ADAMTSL1: variants seen among roughly 807,000 people sequenced by gnomAD.
The protein encoded by ADAMTSL1 is ADAMTS like 1.
In ADAMTSL1, 126 loss-of-function variants were observed where a neutral mutation model predicts 201.8. The observed-to-expected ratio is 0.62, with a 90% CI of 0.54 to 0.72. The LOEUF (loss-of-function observed/expected upper bound fraction) is 0.72, where lower values mean the gene tolerates loss of function less well. Ranked by LOEUF, ADAMTSL1 falls within the 30% of genes least tolerant of loss-of-function variation. The probability of loss-of-function intolerance (pLI) is 0.00; values close to 1 mark genes in which losing one functional copy is unlikely to be tolerated. For synonymous variants in ADAMTSL1, 1,121 were observed against 903.4 expected (o/e 1.24, Z -4.32); for missense variants, 2,679 against 2,277.8 (o/e 1.18, Z -3.59).
chr9:18,455,522 CTT>C (rs778005899), intron 2 of ADAMTSL1, among the ~76,000 whole-genome samples: 25 of 146,814 alleles, frequency 1.7e-4, no homozygotes, highest in Non-Finnish European at 3.5e-4. Context: ...AACTCCTAAT[CTT>C]TTTTTTTTTA....
chr9:17,942,119 A>G (rs1827261892), intron 1 of ADAMTSL1, among the ~76,000 whole-genome samples: 1 of 152,134 alleles, frequency 6.6e-6, no homozygotes, highest in Non-Finnish European at 1.5e-5. Context: ...TTCGTTAGAG[A>G]CAGAAAGTAG....
Position 18,684,804 on chromosome 9 carries a change from A to T in ADAMTSL1, c.1574+4A>T, listed in dbSNP as rs1424770701. 6.2e-7 allele frequency: 1 copy of T among 1,608,156 alleles called. No homozygotes were observed. The highest frequency in any genetic ancestry group is 8.5e-7 in the Non-Finnish European group (1 of 1,177,566). ...CTGCTGTGTCAGAGGAGCCCTCGTA[A>T]GTTGTAAAAGCACAGACTGTTCTAT... On this transcript the variant is annotated splice_donor_region_variant and intron_variant, in intron 13 of 28. Coordinates refer to ENST00000380548, the MANE Select transcript of ADAMTSL1 (RefSeq NM_001040272.6).
At chr9:18,303,355 C>A (rs1324684408) in intron 2 of ADAMTSL1, among the ~76,000 whole-genome samples, 1 of 152,206 alleles carries the variant, frequency 6.6e-6, no homozygotes, top group African/African-American at 2.4e-5. Flanking sequence ...GTCAGGTCTT[C>A]CAGCCTCAGC....
chr9:18,902,081 T>C (rs2131607450), intron 26 of ADAMTSL1, among the ~76,000 whole-genome samples: 1 of 152,262 alleles, frequency 6.6e-6, no homozygotes, highest in African/African-American at 2.4e-5. Flanking sequence ...ATTATAAACA[T>C]GCATGCACCA....
At chr9:18,577,375 A>G (rs190943838) in intron 4 of ADAMTSL1, among the ~76,000 whole-genome samples, 3 of 152,260 alleles carry the variant, frequency 2.0e-5, no homozygotes, top group East Asian at 1.9e-4. Context: ...ATTCGCAGCT[A>G]TTTGGGAGGC....
chr9:18,135,612 T>C (rs1826125383), intron 1 of ADAMTSL1, among the ~76,000 whole-genome samples: 1 of 152,106 alleles, frequency 6.6e-6, no homozygotes, highest in South Asian at 2.1e-4. Context: ...CTAGGCAATG[T>C]AGCAAACCCT....
rs957641008 is a variant in ADAMTSL1, at chr9:18,359,925, C to G, written c.208-144904C>G. ...ACTTTGAAAAAGTTATTTAACCACT[C>G]TGAGCCTCATCAGTGTCCTCAGCTC... On this transcript the variant is annotated intron_variant, in intron 2 of 29. Coordinates refer to the ADAMTSL1 transcript ENST00000680146. 3.4e-5 allele frequency among the ~76,000 whole-genome samples: 5 copies of G among 148,658 alleles called. No individual in the cohort carries two copies. In the South Asian group the frequency reaches 6.4e-4, roughly 19 times the overall value.
At chr9:17,922,261 T>C (rs1826335189) in intron 1 of ADAMTSL1, among the ~76,000 whole-genome samples, 1 of 152,136 alleles carries the variant, frequency 6.6e-6, no homozygotes, top group African/African-American at 2.4e-5. Flanking sequence ...GTGCTACATA[T>C]TTCTTTTCAG....
chr9:18,549,980 G>A (rs920305022), intron 3 of ADAMTSL1, among the ~76,000 whole-genome samples: 2 of 151,992 alleles, frequency 1.3e-5, no homozygotes, highest in Non-Finnish European at 2.9e-5. Context: ...GAGAAGCTCT[G>A]TTCTATCAGA....
At chr9:18,530,430 T>C (rs1283090089) in intron 2 of ADAMTSL1, among the ~76,000 whole-genome samples, 1 of 152,168 alleles carries the variant, frequency 6.6e-6, no homozygotes. Context: ...AATCTCACCA[T>C]TGAATCTCCT....
Position 18,249,135 on chromosome 9 carries a change from C to T in ADAMTSL1, c.207+85154C>T, listed in dbSNP as rs996005842. Among the ~76,000 whole-genome samples, 5 of 151,990 alleles carry T rather than the reference C, an allele frequency of 3.3e-5. No individual in the cohort carries two copies. In the East Asian group the frequency reaches 5.8e-4, roughly 18 times the overall value. ...CTTGGCCACCCCTCACTTTCAGACA[C>T]GAAACAAGGAAGCCATGTAAGCAGT... On this transcript the variant is annotated intron_variant, in intron 2 of 29. Transcript: ENST00000680146.
At chr9:18,397,285 G>A (rs538481786) in intron 2 of ADAMTSL1, among the ~76,000 whole-genome samples, 96 of 152,194 alleles carry the variant, frequency 6.3e-4, no homozygotes, top group Non-Finnish European at 1.0e-3. Flanking sequence ...CATCCCAGAA[G>A]GAAATCCTGC....
intron 2 of ADAMTSL1, among the ~76,000 whole-genome samples, chr9:18,464,686 C>T (rs1820933623): frequency 6.6e-6 from 1 of 152,212 alleles, no homozygotes; most frequent in Non-Finnish European, 1.5e-5. Context: ...GAGAGTGGTT[C>T]ATAGCCAATT....
intron 1 of ADAMTSL1, among the ~76,000 whole-genome samples, chr9:17,914,982 T>C (rs1826038684): frequency 6.6e-6 from 1 of 152,210 alleles, no homozygotes; most frequent in African/African-American, 2.4e-5. Context: ...TTTATTTTCT[T>C]TTTTTACCAT....
At chr9:18,237,502 T>A (rs1290765929) in intron 2 of ADAMTSL1, among the ~76,000 whole-genome samples, 1 of 152,246 alleles carries the variant, frequency 6.6e-6, no homozygotes, top group African/African-American at 2.4e-5. Flanking sequence ...TTTGTATAAA[T>A]GTTGTGGATA....
intron 26 of ADAMTSL1, among the ~76,000 whole-genome samples, chr9:18,902,576 T>A (rs768615403): frequency 6.6e-6 from 1 of 151,412 alleles, no homozygotes; most frequent in South Asian, 2.1e-4. Context: ...AACCACAACA[T>A]ACCAAAATAT....
At chr9:18,324,491 G>T (rs191293278) in intron 2 of ADAMTSL1, among the ~76,000 whole-genome samples, 41 of 151,278 alleles carry the variant, frequency 2.7e-4, no homozygotes, top group African/African-American at 9.7e-4. Context: ...CAGGCTAGGT[G>T]CAGTGGCTCA....
chr9:17,987,266 C>T (rs911264029), intron 1 of ADAMTSL1, among the ~76,000 whole-genome samples: 1 of 152,038 alleles, frequency 6.6e-6, no homozygotes, highest in Non-Finnish European at 1.5e-5. Flanking sequence ...TTTCCTTGTC[C>T]TGATGGTATT....
chr9:18,628,432 T>C (rs1238526233), intron 5 of ADAMTSL1, among the ~76,000 whole-genome samples: 2 of 152,234 alleles, frequency 1.3e-5, no homozygotes, highest in African/African-American at 2.4e-5. Context: ...TATTCTGCTA[T>C]GTGTCTGTCC....
Sources: gnomAD v4.1 joint callset for allele counts (sites outside exome capture counted in the v4.1 genomes callset) on GRCh38, gnomAD v4.1.1 for gene constraint, MANE v1.5 for transcripts, NCBI Gene and HGNC (gene_info 2026-07-23, HGNC 2026-07-21) for gene names.